Variants in CHCHD6 observed in about 807,000 individuals in gnomAD.
CHCHD6 encodes the protein coiled-coil-helix-coiled-coil-helix domain containing 6.
In CHCHD6, 28 loss-of-function variants were observed where a neutral mutation model predicts 32.3. That is an observed-to-expected ratio of 0.87 (90% CI 0.64 to 1.19). CHCHD6 has a LOEUF of 1.19. Ranked by LOEUF, CHCHD6 falls within the 50% of genes most tolerant of loss-of-function variation. The pLI, the probability that CHCHD6 is intolerant of heterozygous loss-of-function variation, is 0.00. For missense variants in CHCHD6, 333 were observed against 307.0 expected (o/e 1.08, Z -0.63); for synonymous variants, 122 against 117.5 (o/e 1.04, Z -0.25).
At position 126,730,616 on chromosome 3, in the gene CHCHD6, G is replaced by A. The variant is rs755968092; in HGVS notation, c.252G>A (p.Lys84=). The A allele has an allele frequency of 1.8e-5, 29 of 1,613,750 alleles. No homozygotes were observed. The Admixed American group carries it at 3.5e-4, about 19-fold the overall frequency. Reference sequence around the variant, plus strand: ...GTGGCCAGCAGCCCTCAGGGATGAAGGAGGGTGTCAAGAGGTGAGCCCGAG... The same window carrying A: ...GTGGCCAGCAGCCCTCAGGGATGAAAGAGGGTGTCAAGAGGTGAGCCCGAG... ...SSGGQQPSGM[K]EGVKRYEQEH... Residue 84 remains lysine (K), a synonymous_variant, in exon 3 of 8, where the codon AAG becomes AAA. Coordinates refer to ENST00000290913, the MANE Select transcript of CHCHD6 (RefSeq NM_032343.3).
At chr3:126,923,406 A>G (rs183669023) in intron 6 of CHCHD6, among the ~76,000 whole-genome samples, 6 of 152,316 alleles carry the variant, frequency 3.9e-5, no homozygotes, top group African/African-American at 1.4e-4. Context: ...CCGTATCCCC[A>G]CCATCCAAGC....
intron 4 of CHCHD6, among the ~76,000 whole-genome samples, chr3:126,740,195 A>G (rs981460562): frequency 4.6e-5 from 7 of 152,128 alleles, no homozygotes; most frequent in African/African-American, 1.7e-4. Flanking sequence ...AGACTATTTT[A>G]TAGGCCCTAC....
intron 5 of CHCHD6, among the ~76,000 whole-genome samples, chr3:126,905,450 A>G (rs188976528): frequency 3.0e-4 from 45 of 152,292 alleles, no homozygotes; most frequent in Admixed American, 2.4e-3. Flanking sequence ...AGGCTTGGAA[A>G]CAGCAAGGCA....
intron 5 of CHCHD6, among the ~76,000 whole-genome samples, chr3:126,874,701 C>T (rs942956617): frequency 1.3e-5 from 2 of 152,174 alleles, no homozygotes; most frequent in South Asian, 4.1e-4. Flanking sequence ...CATACTGCCC[C>T]GTCATCTGTT....
intron 4 of CHCHD6, among the ~76,000 whole-genome samples, chr3:126,776,359 TTCTGATTATGTCTGATGCTC>T (rs1226692804): frequency 2.0e-5 from 3 of 152,142 alleles, no homozygotes; most frequent in African/African-American, 7.2e-5. Flanking sequence ...TCAAGAAGAG[TTCTGATTATGTCTGATGCTC>T]TCTTTACTTT....
At chr3:126,851,820 C>T (rs886221628) in intron 4 of CHCHD6, among the ~76,000 whole-genome samples, 4 of 152,242 alleles carry the variant, frequency 2.6e-5, no homozygotes, top group Admixed American at 2.0e-4. Context: ...ACCTTCTGTA[C>T]AGCTATGCAT....
At chr3:126,714,507 A>T (rs1934914289) in intron 1 of CHCHD6, among the ~76,000 whole-genome samples, 1 of 152,124 alleles carries the variant, frequency 6.6e-6, no homozygotes, top group South Asian at 2.1e-4. Flanking sequence ...CAAGGGGGTG[A>T]TCTTCTTCGG....
At chr3:126,777,942 C>A (rs531810893) in intron 4 of CHCHD6, among the ~76,000 whole-genome samples, 1 of 152,182 alleles carries the variant, frequency 6.6e-6, no homozygotes, top group South Asian at 2.1e-4. Context: ...TTCCCACAAC[C>A]CTTAGTCCCA....
At chr3:126,897,407 A>G (rs951995947) in intron 5 of CHCHD6, among the ~76,000 whole-genome samples, 7 of 152,102 alleles carry the variant, frequency 4.6e-5, no homozygotes, top group Middle Eastern at 3.4e-3. Flanking sequence ...TCAGGGTGTT[A>G]CTCTTTTAAC....
chr3:126,781,852 C>CT (rs1937958019), intron 4 of CHCHD6, among the ~76,000 whole-genome samples: 1 of 152,178 alleles, frequency 6.6e-6, no homozygotes, highest in South Asian at 2.1e-4. Flanking sequence ...GGCCCAAAGT[C>CT]TTTTTCTTTT....
intron 4 of CHCHD6, among the ~76,000 whole-genome samples, chr3:126,777,216 G>A (rs1937688853): frequency 7.3e-6 from 1 of 136,334 alleles, no homozygotes. Flanking sequence ...TCTTTTCCAA[G>A]GTATTCAGAC....
chr3:126,797,926 C>T (rs1938871077), intron 4 of CHCHD6, among the ~76,000 whole-genome samples: 1 of 152,224 alleles, frequency 6.6e-6, no homozygotes, highest in African/African-American at 2.4e-5. Context: ...GGCTCCAGTC[C>T]TCCTTGTCGA....
At chr3:126,762,963 T>G (rs1937219008) in intron 4 of CHCHD6, among the ~76,000 whole-genome samples, 1 of 152,210 alleles carries the variant, frequency 6.6e-6, no homozygotes, top group Non-Finnish European at 1.5e-5. Flanking sequence ...TTGTAGACAG[T>G]TTATGTATCC....
At chr3:126,793,686 A>C (rs998517182) in intron 4 of CHCHD6, among the ~76,000 whole-genome samples, 3 of 152,122 alleles carry the variant, frequency 2.0e-5, no homozygotes, top group African/African-American at 7.2e-5. Flanking sequence ...ACATGTTCTC[A>C]GTTTGTTCAT....
intron 5 of CHCHD6, among the ~76,000 whole-genome samples, chr3:126,900,983 G>A (rs987656678): frequency 6.6e-6 from 1 of 152,036 alleles, no homozygotes; most frequent in African/African-American, 2.4e-5. Flanking sequence ...CCATTCATGG[G>A]GGATCCGCCC....
chr3:126,803,561 A>G (rs1408972102), intron 4 of CHCHD6, among the ~76,000 whole-genome samples: 1 of 152,242 alleles, frequency 6.6e-6, no homozygotes, highest in African/African-American at 2.4e-5. Flanking sequence ...CCAGATTCAT[A>G]AAGCAAGTCC....
At chr3:126,742,184 G>T (rs1272726935) in intron 4 of CHCHD6, among the ~76,000 whole-genome samples, 1 of 152,224 alleles carries the variant, frequency 6.6e-6, no homozygotes, top group African/African-American at 2.4e-5. Flanking sequence ...GGCACTCACT[G>T]CATTCAGCAA....
intron 4 of CHCHD6, among the ~76,000 whole-genome samples, chr3:126,846,728 T>C (rs1416302968): frequency 6.6e-6 from 1 of 152,240 alleles, no homozygotes; most frequent in Non-Finnish European, 1.5e-5. Flanking sequence ...ATCATAGTTA[T>C]TTAAAGTCCC....
chr3:126,954,912 C>T (rs2078762486), intron 6 of CHCHD6, among the ~76,000 whole-genome samples: 1 of 152,168 alleles, frequency 6.6e-6, no homozygotes, highest in African/African-American at 2.4e-5. Context: ...CAGATTTAAC[C>T]CTGCCTGGGG....
Sources: allele counts gnomAD v4.1 joint callset (sites outside exome capture counted in the v4.1 genomes callset), GRCh38; gene constraint gnomAD v4.1.1; transcripts MANE v1.5; gene names NCBI Gene and HGNC (gene_info 2026-07-23, HGNC 2026-07-21).